The following TLL1 variants were observed in gnomAD, a reference collection of about 807,000 sequenced individuals.
The protein encoded by TLL1 is tolloid-like protein 1.
In TLL1, 49 loss-of-function variants were observed where a neutral mutation model predicts 128.2. The ratio of observed to expected loss-of-function variants is 0.38; its 90% CI spans 0.30 to 0.48. The LOEUF (loss-of-function observed/expected upper bound fraction) is 0.48. Among genes scored for constraint, TLL1 ranks in the 20% least tolerant of loss-of-function variants. TLL1 has a pLI of 0.96. For synonymous variants in TLL1, 454 were observed against 418.8 expected (o/e 1.08, Z -1.03); for missense variants, 1,123 against 1,242.0 (o/e 0.90, Z 1.44).
intron 10 of TLL1, 99 bp from the exon 11 acceptor site, chr4:166,041,928 C>G (rs878875363): frequency 1.2e-6 from 1 of 823,060 alleles, no homozygotes; most frequent in South Asian, 1.4e-5. Flanking sequence ...GAAATGTGAA[C>G]CAAATCGGTG....
intron 1 of TLL1, among the ~76,000 whole-genome samples, chr4:165,875,714 G>A (rs890344678): frequency 1.3e-5 from 2 of 152,144 alleles, no homozygotes; most frequent in African/African-American, 4.8e-5. Flanking sequence ...GTAACTTGCT[G>A]AAAATTGTGC....
chr4:166,103,078 G>A lies in TLL1; in HGVS notation c.*2202G>A, dbSNP rs188301681. ...GTTCTCGTTTTGTAGTTCAGAAAGTGAGGCTCAAAGAATTTATGTAACCTT... is the reference window on the plus strand; with the variant it reads ...GTTCTCGTTTTGTAGTTCAGAAAGTAAGGCTCAAAGAATTTATGTAACCTT... On this transcript the variant is annotated 3_prime_UTR_variant, in exon 21 of 21. Coordinates refer to ENST00000061240, the MANE Select transcript of TLL1 (RefSeq NM_012464.5). 11 of 151,988 alleles carry A rather than the reference G, an allele frequency of 7.2e-5. No homozygotes were observed. The highest frequency in any genetic ancestry group is 3.3e-4 in the Admixed American group (5 of 15,230). 9.4% of individuals were successfully genotyped at this position (151,988 alleles called of 1,614,324 possible).
chr4:166,011,391 TA>T (rs1372597356), intron 7 of TLL1, among the ~76,000 whole-genome samples: 1 of 151,546 alleles, frequency 6.6e-6, no homozygotes, highest in Non-Finnish European at 1.5e-5. Flanking sequence ...AGGTTTTTTT[TA>T]TGCTGTTGTG....
intron 1 of TLL1, among the ~76,000 whole-genome samples, chr4:165,887,405 G>T (rs758496892): frequency 2.0e-5 from 3 of 152,012 alleles, no homozygotes; most frequent in Non-Finnish European, 4.4e-5. Context: ...ATGGCTTTGG[G>T]GTGAAGGTCA....
intron 1 of TLL1, among the ~76,000 whole-genome samples, chr4:165,912,070 T>G (rs2110873379): frequency 6.6e-6 from 1 of 152,146 alleles, no homozygotes; most frequent in Non-Finnish European, 1.5e-5. Context: ...AGAGACGAGG[T>G]TTCACCATGT....
intron 1 of TLL1, among the ~76,000 whole-genome samples, chr4:165,976,636 A>G (rs1735897523): frequency 1.3e-5 from 2 of 152,220 alleles, no homozygotes; most frequent in Non-Finnish European, 2.9e-5. Flanking sequence ...TCTATTAGAT[A>G]TAAAGATTCA....
At chr4:166,018,426 G>A (rs1264620613) in intron 8 of TLL1, among the ~76,000 whole-genome samples, 2 of 151,894 alleles carry the variant, frequency 1.3e-5, no homozygotes, top group Non-Finnish European at 2.9e-5. Context: ...CCTCAAAAAC[G>A]ATTCAACAAA....
chr4:166,064,140 T>C (rs1740468818), intron 15 of TLL1, among the ~76,000 whole-genome samples: 1 of 152,240 alleles, frequency 6.6e-6, no homozygotes, highest in Middle Eastern at 3.4e-3. Flanking sequence ...TTTAACATAC[T>C]TTACATGAAA....
At chr4:166,093,859 C>T (rs1439233477) in intron 19 of TLL1, among the ~76,000 whole-genome samples, 7 of 152,132 alleles carry the variant, frequency 4.6e-5, no homozygotes, top group East Asian at 3.9e-4. Flanking sequence ...TAACAAGGCA[C>T]GTCCTGCACA....
At chr4:166,002,062 G>A (rs983977771) in intron 5 of TLL1, among the ~76,000 whole-genome samples, 1 of 152,092 alleles carries the variant, frequency 6.6e-6, no homozygotes, top group Non-Finnish European at 1.5e-5. Flanking sequence ...AAATGTCATA[G>A]ACTGGGTGGC....
At chr4:166,019,940 T>C (rs886388924) in intron 8 of TLL1, among the ~76,000 whole-genome samples, 2 of 152,122 alleles carry the variant, frequency 1.3e-5, no homozygotes, top group Non-Finnish European at 2.9e-5. Context: ...AAAAGCTCAA[T>C]ACAGAAATAA....
chr4:166,027,173 G>A (rs1738539334), intron 9 of TLL1, among the ~76,000 whole-genome samples: 1 of 152,072 alleles, frequency 6.6e-6, no homozygotes, highest in Non-Finnish European at 1.5e-5. Flanking sequence ...TCATTTATAA[G>A]TGGGAGCTAA....
At position 165,974,133 on chromosome 4, in the gene TLL1, CTTTTTTTTT is replaced by C. The variant is rs199741025; in HGVS notation, c.170-15231_170-15223del. Among the ~76,000 whole-genome samples, 203 of 60,754 alleles carry C rather than the reference CTTTTTTTTT, an allele frequency of 3.3e-3. 5 individuals carry two copies. The East Asian group carries it at 0.081, about 24-fold the overall frequency. 39.9% of individuals were successfully genotyped at this position (60,754 alleles called of 152,430 possible). A position where few individuals can be genotyped will look rare whatever the true frequency, so the allele number is the denominator to read the frequency against. ...CTTAGGATTAAGTCCTGGACCTCAT[CTTTTTTTTT>C]TTTTTTTTTTTTTTTTGAGACGGAG... is the stretch of plus-strand genomic sequence containing the variant. On this transcript the variant is annotated intron_variant, in intron 1 of 20. Transcript: ENST00000061240.
intron 1 of TLL1, among the ~76,000 whole-genome samples, chr4:165,936,210 T>A (rs1005154334): frequency 1.5e-4 from 22 of 146,750 alleles, no homozygotes; most frequent in African/African-American, 5.0e-4. Flanking sequence ...ATATATATTT[T>A]TTTTTCTTTT....
At position 166,103,838 on chromosome 4, in the gene TLL1, A is replaced by T. The variant is rs552568171; in HGVS notation, c.*2962A>T. The T allele has an allele frequency of 3.7e-4, 13 of 34,858 alleles. No homozygotes were observed. The East Asian group carries it at 0.017, about 46-fold the overall frequency. 2.2% of individuals were successfully genotyped at this position (34,858 alleles called of 1,614,324 possible). A position where few individuals can be genotyped will look rare whatever the true frequency, so the allele number is the denominator to read the frequency against. On this transcript the variant is annotated 3_prime_UTR_variant, in exon 21 of 21. Transcript: ENST00000061240. ...TTGCCAAAGTCCTAACTGACTATAC[A>T]TAGAAAAAAAAAAAAACACTGTTCT... is the stretch of plus-strand genomic sequence containing the variant.
At chr4:165,927,625 T>C (rs1232545284) in intron 1 of TLL1, among the ~76,000 whole-genome samples, 1 of 152,188 alleles carries the variant, frequency 6.6e-6, no homozygotes, top group Non-Finnish European at 1.5e-5. Flanking sequence ...GATTATCTCC[T>C]GTAAGATTGT....
chr4:166,101,093 T>C lies in TLL1; in HGVS notation c.*217T>C. On this transcript the variant is annotated 3_prime_UTR_variant, in exon 21 of 21. Transcript: ENST00000061240. The stretch of plus-strand genomic sequence containing the variant: ...TGAACTCCATGCTTGATGGTATTAA[T>C]AAAGCTGGTGAAAGGGCATCATATA... 1.8e-6 allele frequency: 1 copy of C among 549,238 alleles called. No individual in the cohort carries two copies. The highest frequency in any genetic ancestry group is 1.9e-5 in the African/African-American group (1 of 52,646). The allele number at this position is 549,238 out of a possible 1,614,324, so 34.0% of individuals were successfully genotyped here.
At chr4:166,047,529 A>C (rs769127100) in intron 12 of TLL1, among the ~76,000 whole-genome samples, 17 of 149,360 alleles carry the variant, frequency 1.1e-4, no homozygotes, top group Non-Finnish European at 2.2e-4. Flanking sequence ...TTATATTATT[A>C]TTCTTCAGAT....
At chr4:165,936,404 G>A (rs1275889011) in intron 1 of TLL1, among the ~76,000 whole-genome samples, 1 of 150,780 alleles carries the variant, frequency 6.6e-6, no homozygotes, top group African/African-American at 2.4e-5. Flanking sequence ...TAGAGACGGA[G>A]TTTCGCCATG....
Sources: allele counts gnomAD v4.1 joint callset (sites outside exome capture counted in the v4.1 genomes callset), GRCh38; gene constraint gnomAD v4.1.1; transcripts MANE v1.5; gene names NCBI Gene and HGNC (gene_info 2026-07-23, HGNC 2026-07-21).